PSMB7: variants seen among roughly 807,000 people sequenced by gnomAD.
The protein encoded by PSMB7 is proteasome subunit beta type-7.
In PSMB7, 5 loss-of-function variants were observed where a neutral mutation model predicts 28.1. The ratio of observed to expected loss-of-function variants is 0.18; its 90% CI spans 0.09 to 0.37. The LOEUF is 0.37. PSMB7 is among the 10% of genes least tolerant of loss of function. The pLI, the probability that PSMB7 is intolerant of heterozygous loss-of-function variation, is 1.00. For missense variants in PSMB7, 275 were observed against 346.2 expected (o/e 0.79, Z 1.63); for synonymous variants, 122 against 123.7 (o/e 0.99, Z 0.09).
chr9:124,385,329 C>G (rs1289605117), intron 5 of PSMB7, among the ~76,000 whole-genome samples: 1 of 152,158 alleles, frequency 6.6e-6, no homozygotes, highest in Non-Finnish European at 1.5e-5. Context: ...TAGCAAATGG[C>G]TGAAAGGTTA....
At chr9:124,384,180 A>T (rs1275338411) in intron 6 of PSMB7, 1 of 161,366 alleles carries the variant, frequency 6.2e-6, no homozygotes, top group African/African-American at 2.4e-5. Context: ...AGGGATTTTT[A>T]AAACTGCCTC....
chr9:124,388,953 G>A (rs1830755571), intron 5 of PSMB7, among the ~76,000 whole-genome samples: 1 of 152,138 alleles, frequency 6.6e-6, no homozygotes, highest in Non-Finnish European at 1.5e-5. Context: ...AACAGTCTCT[G>A]ACACATGGCA....
chr9:124,376,098 T>C (rs1003459796), intron 6 of PSMB7, among the ~76,000 whole-genome samples: 1 of 152,152 alleles, frequency 6.6e-6, no homozygotes, highest in African/African-American at 2.4e-5. Context: ...TAAAAAGTTT[T>C]GGCAGTTGGG....
chr9:124,354,095 G>C (rs1297968459), intron 7 of PSMB7, among the ~76,000 whole-genome samples: 2 of 152,200 alleles, frequency 1.3e-5, no homozygotes, highest in Non-Finnish European at 2.9e-5. Flanking sequence ...GGGCATGATT[G>C]CTCTTCCGTG....
intron 6 of PSMB7, among the ~76,000 whole-genome samples, chr9:124,373,573 G>T (rs1450226352): frequency 1.3e-5 from 2 of 152,188 alleles, no homozygotes; most frequent in African/African-American, 4.8e-5. Flanking sequence ...CAAATCCAGT[G>T]TATAAAGGAA....
At position 124,361,219 on chromosome 9, in the gene PSMB7, A is replaced by C. The variant is rs533060009; in HGVS notation, c.571-4304T>G. Reference sequence around the variant, plus strand: ...CTTAAATGAGATTACAATAAGAGTGATGTACTGTACTACAAGTCAGCTGTG... The same window carrying C: ...CTTAAATGAGATTACAATAAGAGTGCTGTACTGTACTACAAGTCAGCTGTG... On this transcript the variant is annotated intron_variant, in intron 6 of 7. Coordinates refer to ENST00000259457, the MANE Select transcript of PSMB7 (RefSeq NM_002799.4). Among the ~76,000 whole-genome samples the C allele has an allele frequency of 7.9e-5, 12 of 152,356 alleles. 1 individual carries two copies. In the South Asian group the frequency reaches 2.5e-3, roughly 32 times the overall value.
intron 5 of PSMB7, among the ~76,000 whole-genome samples, chr9:124,401,559 A>G (rs1830907263): frequency 6.6e-6 from 1 of 152,208 alleles, no homozygotes; most frequent in Non-Finnish European, 1.5e-5. Context: ...GTTCTTCCTG[A>G]ATTATCCCAG....
chr9:124,400,464 C>G (rs973910345), intron 5 of PSMB7, among the ~76,000 whole-genome samples: 1 of 152,306 alleles, frequency 6.6e-6, no homozygotes, highest in East Asian at 1.9e-4. Context: ...TGCCTCTGTC[C>G]GGAGAATTCC....
In PSMB7 at chr9:124,393,776, ATG is replaced by A. The variant is rs571071700; in HGVS notation, c.512-9122_512-9121del. Among the ~76,000 whole-genome samples, 9 of 152,366 alleles carry A rather than the reference ATG, an allele frequency of 5.9e-5. No individual in the cohort carries two copies. In the South Asian group the frequency reaches 1.7e-3, roughly 28 times the overall value. On this transcript the variant is annotated intron_variant, in intron 5 of 7. Transcript: ENST00000259457. ...AACAATCACGGCATCAGGGCCTAAAATGTGAGAGGTTTTATTTCATTAATGCA... is the reference window on the plus strand; with the variant it reads ...AACAATCACGGCATCAGGGCCTAAAATGAGAGGTTTTATTTCATTAATGCA...
chr9:124,374,798 T>C (rs1483067664), intron 6 of PSMB7, among the ~76,000 whole-genome samples: 1 of 152,082 alleles, frequency 6.6e-6, no homozygotes, highest in Non-Finnish European at 1.5e-5. Flanking sequence ...CACTCCAGTC[T>C]TAGCAACACA....
chr9:124,387,336 C>T (rs1020599420), intron 5 of PSMB7, among the ~76,000 whole-genome samples: 2 of 152,146 alleles, frequency 1.3e-5, no homozygotes, highest in African/African-American at 4.8e-5. Flanking sequence ...ACACACTAAA[C>T]CCACAGACTC....
chr9:124,356,653 G>A lies in PSMB7; in HGVS notation c.722+111C>T, dbSNP rs117300833. The A allele has an allele frequency of 0.039, 49,204 of 1,271,826 alleles. 1,156 individuals carry two copies. Among genetic ancestry groups the A allele is most frequent in the Middle Eastern group, 0.05 (215 of 4,328 alleles). The allele number at this position is 1,271,826 out of a possible 1,614,324, so 78.8% of individuals were successfully genotyped here. ...GTGGGAGGTTGATTTGGGAACACTGGATGTACTTAATGTGGAAAGAACCAG... is the reference window on the plus strand; with the variant it reads ...GTGGGAGGTTGATTTGGGAACACTGAATGTACTTAATGTGGAAAGAACCAG... On this transcript the variant is annotated intron_variant, in intron 7 of 7. Transcript: ENST00000259457. This position sits in a 1 kb window ranked among gnomAD's most constrained non-coding sequence, Gnocchi z 4.4.
rs973439669 is a variant in PSMB7 at position 124,356,977 on chromosome 9, C to T, written c.571-62G>A. 6.3e-7 allele frequency: 1 copy of T among 1,594,684 alleles called. No individual in the cohort carries two copies. Among genetic ancestry groups the T allele is most frequent in the African/African-American group, 1.3e-5 (1 of 74,438 alleles). On this transcript the variant is annotated intron_variant, in intron 6 of 7. Transcript: ENST00000259457. This position sits in a 1 kb window ranked among gnomAD's most constrained non-coding sequence, Gnocchi z 4.4. ...AAACTAGGGCCTGCTCTGACATCCG[C>T]AATGTACGTCCACTAGCAGTGCGCA...
intron 6 of PSMB7, among the ~76,000 whole-genome samples, chr9:124,374,913 G>T (rs35291541): frequency 6.6e-6 from 1 of 151,994 alleles, no homozygotes; most frequent in African/African-American, 2.4e-5. Flanking sequence ...AGGCTGAGGC[G>T]GCAGATCACC....
intron 6 of PSMB7, among the ~76,000 whole-genome samples, chr9:124,377,829 C>T (rs886314070): frequency 6.6e-6 from 1 of 152,192 alleles, no homozygotes; most frequent in South Asian, 2.1e-4. Context: ...GGAGCTCATC[C>T]CTCGGTATTG....
At chr9:124,371,457 CT>C (rs1236301781) in intron 6 of PSMB7, among the ~76,000 whole-genome samples, 6 of 152,344 alleles carry the variant, frequency 3.9e-5, no homozygotes, top group East Asian at 1.9e-4. Context: ...TCCTCTCCCC[CT>C]GAAAGCCACT....
chr9:124,415,285 G>A (rs1325054573), intron 1 of PSMB7, 79 bp downstream of exon 1: 3 of 1,420,382 alleles, frequency 2.1e-6, no homozygotes, highest in Non-Finnish European at 3.0e-6. Context: ...CAGAATTCTC[G>A]TATCACACCT....
At chr9:124,385,046 G>C (rs1296513686) in intron 5 of PSMB7, among the ~76,000 whole-genome samples, 1 of 152,222 alleles carries the variant, frequency 6.6e-6, no homozygotes, top group Non-Finnish European at 1.5e-5. Flanking sequence ...GCAGGCTGCT[G>C]GGTATAGCGC....
intron 5 of PSMB7, among the ~76,000 whole-genome samples, chr9:124,385,276 T>C (rs1397531504): frequency 6.6e-6 from 1 of 152,232 alleles, no homozygotes; most frequent in Non-Finnish European, 1.5e-5. Context: ...AACAGCTGAA[T>C]AGACAAAATG....
Sources: gnomAD v4.1 joint callset for allele counts (sites outside exome capture counted in the v4.1 genomes callset) on GRCh38, gnomAD v4.1.1 for gene constraint, Gnocchi (gnomAD v3.1) non-coding constraint, MANE v1.5 for transcripts, NCBI Gene and HGNC (gene_info 2026-07-23, HGNC 2026-07-21) for gene names.